Variants in TRIM24 observed in about 807,000 individuals in gnomAD.
TRIM24 encodes the protein transcription intermediary factor 1-alpha.
Under a neutral mutation model 123.9 loss-of-function variants are expected in TRIM24, and 29 were observed. That is an observed-to-expected ratio of 0.23 (90% CI 0.17 to 0.32). The LOEUF (loss-of-function observed/expected upper bound fraction) is 0.32. Ranked by LOEUF, TRIM24 falls within the 10% of genes least tolerant of loss-of-function variation. The probability of loss-of-function intolerance (pLI) is 1.00; values close to 1 mark genes in which losing one functional copy is unlikely to be tolerated. For missense variants in TRIM24, 932 were observed against 1,295.3 expected, an observed-to-expected ratio of 0.72 and a Z score of 4.31; for synonymous variants, 456 against 461.1, an observed-to-expected ratio of 0.99 and a Z score of 0.14.
chr7:138,570,614 C>T (rs1281756437), intron 10 of TRIM24, among the ~76,000 whole-genome samples: 1 of 150,132 alleles, frequency 6.7e-6, no homozygotes. Flanking sequence ...TGTTGTCTTC[C>T]AGTAAAAATC....
chr7:138,515,573 C>A (rs1338878250), intron 3 of TRIM24, among the ~76,000 whole-genome samples: 1 of 152,136 alleles, frequency 6.6e-6, no homozygotes, highest in Non-Finnish European at 1.5e-5. Flanking sequence ...TGCCTGTCCT[C>A]CTGCTTCTAT....
In TRIM24 at chr7:138,526,452, G is replaced by GT. The variant is rs375560396; in HGVS notation, c.881+1104dup. Among the ~76,000 whole-genome samples the GT allele has an allele frequency of 9.6e-3, 1,440 of 149,528 alleles. 33 individuals carry two copies. The highest frequency in any genetic ancestry group is 0.033 in the African/African-American group (1,347 of 40,476). Reference sequence around the variant, plus strand: ...CCTCTGTTTTTGTTTTTTGTTTTTTGTTTTTTTTTGAGACGGAGTCTCACT... The same window carrying GT: ...CCTCTGTTTTTGTTTTTTGTTTTTTGTTTTTTTTTTGAGACGGAGTCTCACT... On this transcript the variant is annotated intron_variant, in intron 5 of 18. Coordinates refer to ENST00000343526, the MANE Select transcript of TRIM24 (RefSeq NM_015905.3).
At chr7:138,482,615 A>T (rs1795554722) in intron 1 of TRIM24, among the ~76,000 whole-genome samples, 1 of 152,190 alleles carries the variant, frequency 6.6e-6, no homozygotes, top group African/African-American at 2.4e-5. Context: ...CGTTAAGTAT[A>T]ATTATTCCCA....
chr7:138,578,940 G>A (rs1010384992), intron 14 of TRIM24, among the ~76,000 whole-genome samples: 3 of 147,260 alleles, frequency 2.0e-5, no homozygotes, highest in African/African-American at 8.0e-5. Flanking sequence ...ATATATATAG[G>A]TCATGTGGTT....
At chr7:138,496,376 C>T (rs551360607) in intron 1 of TRIM24, among the ~76,000 whole-genome samples, 2 of 152,274 alleles carry the variant, frequency 1.3e-5, no homozygotes, top group East Asian at 3.9e-4. Flanking sequence ...ACAATCACAT[C>T]ACCTGTGAAT....
chr7:138,487,980 T>C (rs1795685972), intron 1 of TRIM24, among the ~76,000 whole-genome samples: 1 of 152,172 alleles, frequency 6.6e-6, no homozygotes, highest in Non-Finnish European at 1.5e-5. Context: ...TCCTGGACTT[T>C]TTTTCGTTGG....
chr7:138,512,141 A>G (rs1796301082), intron 2 of TRIM24, among the ~76,000 whole-genome samples: 2 of 152,200 alleles, frequency 1.3e-5, no homozygotes, highest in African/African-American at 4.8e-5. Flanking sequence ...CACTGGTACT[A>G]GGGGTGGGCT....
intron 1 of TRIM24, among the ~76,000 whole-genome samples, chr7:138,489,721 T>C (rs1795736515): frequency 6.6e-6 from 1 of 152,222 alleles, no homozygotes; most frequent in Non-Finnish European, 1.5e-5. Context: ...GATCCACTGT[T>C]AGTCTGATGG....
At chr7:138,505,411 C>T (rs1156912932) in intron 2 of TRIM24, among the ~76,000 whole-genome samples, 14 of 152,142 alleles carry the variant, frequency 9.2e-5, no homozygotes, top group Admixed American at 6.5e-5. Context: ...ATGTGAAAGA[C>T]ACCATGTCTT....
chr7:138,508,592 C>G (rs184544643), intron 2 of TRIM24, among the ~76,000 whole-genome samples: 264 of 152,096 alleles, frequency 1.7e-3, no homozygotes, highest in African/African-American at 5.9e-3. Flanking sequence ...TTGATTCCTT[C>G]CCTTTAGTTG....
chr7:138,543,337 C>CA (rs1383771086), intron 7 of TRIM24, among the ~76,000 whole-genome samples: 1 of 152,150 alleles, frequency 6.6e-6, no homozygotes. Flanking sequence ...CCCAAGTGAG[C>CA]ACTGATGCAT....
chr7:138,586,087 T>C lies in TRIM24; in HGVS notation c.*1136T>C, dbSNP rs1471819686. 5.0e-6 allele frequency: 2 copies of C among 399,458 alleles called. No individual in the cohort carries two copies. The highest frequency in any genetic ancestry group is 9.8e-6 in the Non-Finnish European group (2 of 204,264). 24.7% of individuals were successfully genotyped at this position (399,458 alleles called of 1,614,324 possible). On this transcript the variant is annotated 3_prime_UTR_variant, in exon 19 of 19. Transcript: ENST00000343526. ...TAATCTTTGATCTGACTTCTGATTT[T>C]ATTCTTCTGATTGATTGATAGAGGT...
At chr7:138,471,300 T>C (rs1032362685) in intron 1 of TRIM24, among the ~76,000 whole-genome samples, 4 of 152,316 alleles carry the variant, frequency 2.6e-5, no homozygotes, top group African/African-American at 9.6e-5. Context: ...GTACTAGCAC[T>C]GTAGTATATG....
intron 1 of TRIM24, among the ~76,000 whole-genome samples, chr7:138,489,697 A>G (rs1224974347): frequency 6.6e-6 from 1 of 152,050 alleles, no homozygotes; most frequent in Non-Finnish European, 1.5e-5. Flanking sequence ...TGGCTTGTAG[A>G]GTTTCTGCCG....
Position 138,579,547 on chromosome 7 carries a change from C to A in TRIM24, c.2585+15C>A. ...AATTTTCCAAGGTAAGATAGTACTT[C>A]CCTTCCCACATTCTTTTACTGTAAA... On this transcript the variant is annotated intron_variant, in intron 15 of 18. Transcript: ENST00000343526. 6.5e-7 allele frequency: 1 copy of A among 1,545,738 alleles called. No individual in the cohort carries two copies.
intron 1 of TRIM24, among the ~76,000 whole-genome samples, chr7:138,480,076 C>T (rs1795494790): frequency 6.6e-6 from 1 of 152,176 alleles, no homozygotes; most frequent in African/African-American, 2.4e-5. Context: ...GCTTCAGCCT[C>T]CCAAAGTGCT....
chr7:138,466,509 T>C (rs1027206860), intron 1 of TRIM24, among the ~76,000 whole-genome samples: 1 of 134,968 alleles, frequency 7.4e-6, no homozygotes, highest in African/African-American at 2.7e-5. Context: ...GTGTTGCCCA[T>C]ACTGGAGTGC....
intron 1 of TRIM24, 81 bp from the exon 2 acceptor site, chr7:138,504,209 C>A: frequency 2.4e-6 from 2 of 845,172 alleles, no homozygotes; most frequent in Non-Finnish European, 3.4e-6. Flanking sequence ...TGAAAAAGAA[C>A]AAAGTCACAG....
chr7:138,522,533 C>G (rs1796525024), intron 4 of TRIM24, among the ~76,000 whole-genome samples: 1 of 151,966 alleles, frequency 6.6e-6, no homozygotes, highest in Non-Finnish European at 1.5e-5. Context: ...CTAAAGTCTA[C>G]TGATACACAA....
Sources: allele counts gnomAD v4.1 joint callset (sites outside exome capture counted in the v4.1 genomes callset), GRCh38; gene constraint gnomAD v4.1.1; transcripts MANE v1.5; gene names NCBI Gene and HGNC (gene_info 2026-07-23, HGNC 2026-07-21).